The following SYNPO2 variants were observed in gnomAD, a reference collection of about 807,000 sequenced individuals.
The protein encoded by SYNPO2 is synaptopodin 2, also known as synaptopodin-2.
In SYNPO2, 56 loss-of-function variants were observed where a neutral mutation model predicts 85.0. The observed-to-expected ratio is 0.66, with a 90% CI of 0.53 to 0.82. The LOEUF is 0.82. Among genes scored for constraint, SYNPO2 ranks in the 40% least tolerant of loss-of-function variants. SYNPO2 has a pLI of 0.00. For missense variants in SYNPO2, 1,575 were observed against 1,534.2 expected (o/e 1.03, Z -0.44); for synonymous variants, 602 against 591.1 (o/e 1.02, Z -0.27).
At chr4:119,051,186 A>ATGTTTTTT (rs376359189) in intron 4 of SYNPO2, among the ~76,000 whole-genome samples, 5,833 of 100,546 alleles carry the variant, frequency 0.058, 1,021 homozygotes, top group Non-Finnish European at 0.072. Context: ...ATGGGAAGCA[A>ATGTTTTTT]TTTTTTTTTT....
chr4:118,863,255 G>C (rs1448564930), intron 1 of SYNPO2, among the ~76,000 whole-genome samples: 1 of 152,142 alleles, frequency 6.6e-6, no homozygotes, highest in Non-Finnish European at 1.5e-5. Context: ...TTAAATGTTT[G>C]ATAGACTTCA....
intron 1 of SYNPO2, among the ~76,000 whole-genome samples, chr4:118,968,080 T>G (rs1426706216): frequency 6.6e-6 from 1 of 152,194 alleles, no homozygotes; most frequent in Admixed American, 6.5e-5. Flanking sequence ...TTGTTTGGCC[T>G]TGGAAGAATT....
At chr4:118,910,490 A>ATGTG (rs368221117) in intron 1 of SYNPO2, among the ~76,000 whole-genome samples, 39 of 151,526 alleles carry the variant, frequency 2.6e-4, no homozygotes, top group Non-Finnish European at 2.4e-4. Flanking sequence ...TTGTTTAATT[A>ATGTG]TGTGTGTGTG....
At chr4:118,881,093 G>A (rs1051613832) in intron 1 of SYNPO2, among the ~76,000 whole-genome samples, 1 of 152,032 alleles carries the variant, frequency 6.6e-6, no homozygotes, top group Admixed American at 6.6e-5. Flanking sequence ...ACAAGGTCAG[G>A]AGATCCAGAC....
upstream of SYNPO2, among the ~76,000 whole-genome samples, chr4:118,888,125 GACTA>G (rs1225236069): frequency 2.0e-5 from 3 of 152,196 alleles, no homozygotes; most frequent in East Asian, 5.8e-4. Flanking sequence ...TTATGCAGTT[GACTA>G]ACTGTTGGGT....
At chr4:118,860,552 C>CTTTTTTTTTTTTTTTTTTTTTTTTTTTTT in intron 1 of SYNPO2, among the ~76,000 whole-genome samples, 1 of 114,120 alleles carries the variant, frequency 8.8e-6, no homozygotes, top group Admixed American at 1.1e-4. Context: ...CCTCTTTTGC[C>CTTTTTTTTTTTTTTTTTTTTTTTTTTTTT]TTTTTTTTTG....
intron 1 of SYNPO2, among the ~76,000 whole-genome samples, chr4:118,916,531 C>T (rs1044112104): frequency 5.4e-5 from 8 of 148,618 alleles, no homozygotes; most frequent in African/African-American, 1.9e-4. Context: ...TTTTGCTACT[C>T]CAAGTCTAAG....
chr4:118,875,902 C>A (rs1447929604), intron 1 of SYNPO2, among the ~76,000 whole-genome samples: 1 of 152,182 alleles, frequency 6.6e-6, no homozygotes, highest in Non-Finnish European at 1.5e-5. Flanking sequence ...TACATGAATG[C>A]AATTAAACCA....
intron 1 of SYNPO2, among the ~76,000 whole-genome samples, chr4:119,009,327 A>G (rs1737202531): frequency 6.6e-6 from 1 of 152,208 alleles, no homozygotes; most frequent in Non-Finnish European, 1.5e-5. Flanking sequence ...TGGCTTTGGA[A>G]CACCTTTGCT....
intron 1 of SYNPO2, among the ~76,000 whole-genome samples, chr4:118,856,042 T>C (rs1264885504): frequency 1.3e-5 from 2 of 152,180 alleles, no homozygotes; most frequent in Non-Finnish European, 2.9e-5. Context: ...TACCATAACA[T>C]AGTGGATCTA....
intron 1 of SYNPO2, among the ~76,000 whole-genome samples, chr4:118,896,917 C>T (rs909439291): frequency 6.6e-6 from 1 of 151,902 alleles, no homozygotes; most frequent in Non-Finnish European, 1.5e-5. Context: ...AAATGACTAG[C>T]TTCTCCTCTT....
chr4:119,029,809 A>G (rs775106425), intron 3 of SYNPO2, 36 bp from the exon 4 acceptor site: 2 of 1,492,212 alleles, frequency 1.3e-6, no homozygotes, highest in South Asian at 2.8e-5. Context: ...TGAACTCATC[A>G]GCTCAATATA....
At chr4:118,870,202 T>C (rs1731777225) in intron 1 of SYNPO2, among the ~76,000 whole-genome samples, 1 of 152,208 alleles carries the variant, frequency 6.6e-6, no homozygotes. Flanking sequence ...AGGAAATTCC[T>C]CACTTTTGCA....
chr4:118,902,295 C>T (rs571960433), intron 1 of SYNPO2, among the ~76,000 whole-genome samples: 1 of 152,212 alleles, frequency 6.6e-6, no homozygotes, highest in East Asian at 1.9e-4. Flanking sequence ...CTGTATTCGT[C>T]CATTTTCACA....
At chr4:118,974,043 T>C (rs569823010) in intron 1 of SYNPO2, among the ~76,000 whole-genome samples, 438 of 152,360 alleles carry the variant, frequency 2.9e-3, no homozygotes, top group Non-Finnish European at 4.1e-3. Context: ...ATCTTGGTCA[T>C]ATGATTTTAA....
At chr4:118,949,958 CT>C (rs1292043259) in intron 1 of SYNPO2, among the ~76,000 whole-genome samples, 4 of 151,996 alleles carry the variant, frequency 2.6e-5, no homozygotes, top group African/African-American at 9.7e-5. Context: ...CTTTATGAAG[CT>C]TACAAAAAAT....
chr4:118,855,206 G>T (rs1731483889), intron 1 of SYNPO2, among the ~76,000 whole-genome samples: 2 of 151,600 alleles, frequency 1.3e-5, no homozygotes, highest in African/African-American at 4.8e-5. Context: ...TAGATCTTTG[G>T]AATATTTTGA....
chr4:119,046,386 C>T (rs1411388514), intron 4 of SYNPO2, among the ~76,000 whole-genome samples: 1 of 152,196 alleles, frequency 6.6e-6, no homozygotes, highest in African/African-American at 2.4e-5. Context: ...AGGTCAGTGG[C>T]AATGTTTCTG....
chr4:118,869,613 A>C (rs1264927228), intron 1 of SYNPO2, among the ~76,000 whole-genome samples: 1 of 152,178 alleles, frequency 6.6e-6, no homozygotes. Flanking sequence ...TTGGAAGTTC[A>C]AGAGATTCCT....
Sources: allele counts gnomAD v4.1 joint callset (sites outside exome capture counted in the v4.1 genomes callset), GRCh38; gene constraint gnomAD v4.1.1; transcripts MANE v1.5; gene names NCBI Gene and HGNC (gene_info 2026-07-23, HGNC 2026-07-21).